Variants in CCDC148 observed in about 807,000 individuals in gnomAD.
CCDC148 encodes the protein coiled-coil domain containing 148.
In CCDC148, 89 loss-of-function variants were observed where a neutral mutation model predicts 85.7. The observed-to-expected ratio is 1.04, with a 90% confidence interval of 0.87 to 1.24. The LOEUF is 1.24. CCDC148 is among the 50% of genes most tolerant of loss of function. The pLI, the probability that CCDC148 is intolerant of heterozygous loss-of-function variation, is 0.00. For synonymous variants in CCDC148, 230 were observed against 213.9 expected (o/e 1.08, Z -0.66); for missense variants, 692 against 671.7 (o/e 1.03, Z -0.33).
intron 9 of CCDC148, among the ~76,000 whole-genome samples, chr2:158,254,687 CTA>C (rs1688938642): frequency 6.6e-6 from 1 of 151,536 alleles, no homozygotes; most frequent in East Asian, 1.9e-4. Flanking sequence ...AGCACTGAGA[CTA>C]TTTTTATAAA....
chr2:158,323,476 G>C (rs1010447326), intron 7 of CCDC148, among the ~76,000 whole-genome samples: 4 of 152,052 alleles, frequency 2.6e-5, no homozygotes, highest in African/African-American at 9.7e-5. Flanking sequence ...AATTACATAT[G>C]TGCTCACATG....
chr2:158,329,776 T>C (rs542669715), intron 7 of CCDC148, among the ~76,000 whole-genome samples: 102 of 152,272 alleles, frequency 6.7e-4, no homozygotes, highest in African/African-American at 2.3e-3. Flanking sequence ...GAAGCAATTA[T>C]GAATGGGAGT....
chr2:158,174,074 T>C (rs1684452234), intron 13 of CCDC148, among the ~76,000 whole-genome samples: 1 of 152,004 alleles, frequency 6.6e-6, no homozygotes, highest in Non-Finnish European at 1.5e-5. Context: ...TGTTTTTCTT[T>C]CTGTATTCTT....
At chr2:158,228,647 T>G (rs537493426) in intron 10 of CCDC148, among the ~76,000 whole-genome samples, 2 of 152,298 alleles carry the variant, frequency 1.3e-5, no homozygotes, top group African/African-American at 4.8e-5. Flanking sequence ...GATGAGTTCA[T>G]GTCCTTTGTA....
intron 9 of CCDC148, among the ~76,000 whole-genome samples, chr2:158,284,070 G>A (rs1382213352): frequency 2.1e-5 from 3 of 144,920 alleles, no homozygotes; most frequent in Admixed American, 1.4e-4. Flanking sequence ...CGTGGGAATT[G>A]AACAATGAGA....
At chr2:158,380,671 T>C (rs927411532) in intron 1 of CCDC148, 1 of 152,282 alleles carries the variant, frequency 6.6e-6, no homozygotes, top group Non-Finnish European at 1.5e-5. Context: ...CAAGAGAATC[T>C]TGATGAAAAG....
chr2:158,363,109 T>C (rs991262892), intron 1 of CCDC148, among the ~76,000 whole-genome samples: 9 of 152,140 alleles, frequency 5.9e-5, no homozygotes, highest in Admixed American at 5.2e-4. Context: ...CTCCTAAGTC[T>C]AAACCAGGAA....
At chr2:158,417,746 G>A (rs1686568003) in intron 1 of CCDC148, among the ~76,000 whole-genome samples, 2 of 152,046 alleles carry the variant, frequency 1.3e-5, no homozygotes, top group Admixed American at 1.3e-4. Flanking sequence ...CTATTCCTTG[G>A]AGGACCTGAA....
At chr2:158,393,229 A>G (rs10190089) in intron 1 of CCDC148, 97,890 of 151,906 alleles carry the variant, frequency 0.64, 31,938 homozygotes, top group East Asian at 0.8. Flanking sequence ...AAAGCTTACC[A>G]TATTGCCTTA....
chr2:158,238,537 C>T (rs1223685179), intron 10 of CCDC148, among the ~76,000 whole-genome samples: 1 of 152,070 alleles, frequency 6.6e-6, no homozygotes, highest in African/African-American at 2.4e-5. Flanking sequence ...TTATCTGTTC[C>T]ATAACACATG....
chr2:158,374,094 G>A (rs1240288369), intron 1 of CCDC148, among the ~76,000 whole-genome samples: 1 of 152,050 alleles, frequency 6.6e-6, no homozygotes, highest in Non-Finnish European at 1.5e-5. Context: ...AGGGTCACCT[G>A]TATGAGATGA....
chr2:158,419,179 T>G (rs1285463370), intron 1 of CCDC148, among the ~76,000 whole-genome samples: 2 of 152,110 alleles, frequency 1.3e-5, no homozygotes, highest in Non-Finnish European at 2.9e-5. Context: ...CTTTTAATAT[T>G]TGGAAACAAG....
chr2:158,426,418 G>A (rs1687081937), intron 1 of CCDC148, among the ~76,000 whole-genome samples: 1 of 152,140 alleles, frequency 6.6e-6, no homozygotes, highest in Non-Finnish European at 1.5e-5. Flanking sequence ...ATAAACTTGA[G>A]TAGGTAAGCA....
chr2:158,342,665 G>A (rs971289590), intron 3 of CCDC148, among the ~76,000 whole-genome samples: 1 of 152,140 alleles, frequency 6.6e-6, no homozygotes, highest in Non-Finnish European at 1.5e-5. Context: ...CACCTTTCTG[G>A]AAGGATAAGA....
At chr2:158,258,338 C>A (rs537290787) in intron 9 of CCDC148, among the ~76,000 whole-genome samples, 1 of 151,794 alleles carries the variant, frequency 6.6e-6, no homozygotes, top group African/African-American at 2.4e-5. Context: ...TAAAGACCAA[C>A]GTTTTTATGT....
At chr2:158,328,647 C>A (rs1333231694) in intron 7 of CCDC148, among the ~76,000 whole-genome samples, 1 of 152,144 alleles carries the variant, frequency 6.6e-6, no homozygotes, top group Non-Finnish European at 1.5e-5. Flanking sequence ...AAAAGTGCTC[C>A]TATTTCTCCA....
In CCDC148 at chr2:158,250,851, C is replaced by T. The variant is rs758804134; in HGVS notation, c.1172G>A (p.Arg391Lys). The T allele has an allele frequency of 3.1e-6, 5 of 1,607,418 alleles. No homozygotes were observed. The highest frequency in any genetic ancestry group is 1.1e-5 in the South Asian group (1 of 90,690). Residue 391 changes from arginine to lysine, a missense_variant, in exon 10 of 14, where the codon AGA becomes AAA. By Grantham distance (26) the Arg-to-Lys change is conservative (BLOSUM62 2). Coordinates refer to ENST00000283233, the MANE Select transcript of CCDC148 (RefSeq NM_138803.4). ...TTTCTCCTCTTCCTTTTCTCTTCTTCTGGCAGAAATTTCCATTTCCAGTCT... is the reference window on the plus strand; with the variant it reads ...TTTCTCCTCTTCCTTTTCTCTTCTTTTGGCAGAAATTTCCATTTCCAGTCT... ...VARLEMEISA[R>K]RREKEEEKEK... is the part of the protein sequence containing the mutation.
At chr2:158,195,153 C>A (rs572487686) in intron 11 of CCDC148, among the ~76,000 whole-genome samples, 1 of 151,972 alleles carries the variant, frequency 6.6e-6, no homozygotes, top group Non-Finnish European at 1.5e-5. Flanking sequence ...ATTTCCAGTT[C>A]ACTGGCTTTA....
intron 9 of CCDC148, among the ~76,000 whole-genome samples, chr2:158,285,687 C>T (rs1042253673): frequency 1.1e-4 from 16 of 151,610 alleles, no homozygotes; most frequent in Non-Finnish European, 1.5e-4. Context: ...CCCACCACCA[C>T]GCCCGGCTAA....
Sources: allele counts gnomAD v4.1 joint callset (sites outside exome capture counted in the v4.1 genomes callset), GRCh38; gene constraint gnomAD v4.1.1; transcripts MANE v1.5; gene names NCBI Gene and HGNC (gene_info 2026-07-23, HGNC 2026-07-21).